The following ZNF492 variants were observed in gnomAD, a reference collection of about 807,000 sequenced individuals.
ZNF492 encodes the protein zinc finger protein 115 (Y20).
Under a neutral mutation model 6.4 loss-of-function variants are expected in ZNF492, and 3 were observed. The observed-to-expected ratio is 0.47, with a 90% CI of 0.21 to 1.22. ZNF492 has a LOEUF of 1.22. Ranked by LOEUF, ZNF492 falls within the 50% of genes most tolerant of loss-of-function variation. The pLI is 0.22. For synonymous variants in ZNF492, 112 were observed against 205.3 expected (o/e 0.55, Z 3.89); for missense variants, 356 against 612.5 (o/e 0.58, Z 4.42).
rs1435177915 is a variant in ZNF492 at position 22,653,331 on chromosome 19, G to A, written c.-69G>A. ...GGGAGTGTTGACATTTAGGGATGTG[G>A]CCATAGAATTCTCTCTGGAGGAGTG... On this transcript the variant is annotated 5_prime_UTR_variant, in exon 2 of 4. It introduces an in-frame stop codon into an upstream open reading frame of the 5' UTR. Coordinates refer to ENST00000456783, the MANE Select transcript of ZNF492 (RefSeq NM_020855.3). 9.9e-6 allele frequency: 16 copies of A among 1,613,400 alleles called. No individual in the cohort carries two copies. Among genetic ancestry groups the A allele is most frequent in the Non-Finnish European group, 1.3e-5 (15 of 1,179,830 alleles).
intron 3 of ZNF492, among the ~76,000 whole-genome samples, chr19:22,662,341 C>T (rs562681843): frequency 6.6e-6 from 1 of 152,322 alleles, no homozygotes; most frequent in African/African-American, 2.4e-5. Flanking sequence ...CATTGATGGA[C>T]ATTTGGGTTG....
At chr19:22,648,210 G>A (rs185424774) in intron 1 of ZNF492, among the ~76,000 whole-genome samples, 7 of 152,194 alleles carry the variant, frequency 4.6e-5, no homozygotes, top group Admixed American at 2.0e-4. Flanking sequence ...ATTTACCCAG[G>A]AGTCATTCAG....
At position 22,634,370 on chromosome 19, in the gene ZNF492, T is replaced by C; in HGVS notation, c.-198T>C. Reference sequence around the variant, plus strand: ...CGGAGTATGGTCTAGTGTTCGCTGTTCTGCGTCCTCTGGTCCTAGAGGCCC... The same window carrying C: ...CGGAGTATGGTCTAGTGTTCGCTGTCCTGCGTCCTCTGGTCCTAGAGGCCC... On this transcript the variant is annotated 5_prime_UTR_variant, in exon 1 of 4. Transcript: ENST00000456783. The C allele has an allele frequency of 8.4e-7, 1 of 1,189,940 alleles. No homozygotes were observed. Among genetic ancestry groups the C allele is most frequent in the South Asian group, 1.2e-5 (1 of 82,792 alleles). 73.7% of individuals were successfully genotyped at this position (1,189,940 alleles called of 1,614,324 possible). A position where few individuals can be genotyped will look rare whatever the true frequency, so the allele number is the denominator to read the frequency against.
intron 1 of ZNF492, among the ~76,000 whole-genome samples, chr19:22,647,595 C>T (rs1275951568): frequency 7.2e-6 from 1 of 139,704 alleles, no homozygotes; most frequent in Admixed American, 7.2e-5. Context: ...AAAACAGCTC[C>T]TGGATTCATT....
rs71355985 is a variant in ZNF492 at position 22,663,799 on chromosome 19, G to T, written c.131-1G>T. ...TAATTTATTATTTTTATTTCTTTCA[G>T]TTGTATGTTCTTATTTTGCCCGAGA... On this transcript the variant is annotated splice_acceptor_variant, in intron 3 of 3. Transcript: ENST00000456783. LOFTEE classifies it high-confidence loss of function. 0.029 allele frequency: 43,058 copies of T among 1,498,082 alleles called. 691 individuals carry two copies. Among genetic ancestry groups the T allele is most frequent in the East Asian group, 0.064 (2,778 of 43,254 alleles). 92.8% of individuals were successfully genotyped at this position (1,498,082 alleles called of 1,614,324 possible).
chr19:22,652,237 T>C (rs1186036109), intron 1 of ZNF492, among the ~76,000 whole-genome samples: 4 of 105,772 alleles, frequency 3.8e-5, no homozygotes, highest in Admixed American at 8.7e-5. Context: ...TTTTTTTTTT[T>C]TGAGACGGAG....
In ZNF492 at chr19:22,634,485, CG is replaced by C; in HGVS notation, c.-94+14del. 7.2e-7 allele frequency: 1 copy of C among 1,383,840 alleles called. No homozygotes were observed. The highest frequency in any genetic ancestry group is 1.0e-6 in the Non-Finnish European group (1 of 985,504). The allele number at this position is 1,383,840 out of a possible 1,614,324, so 85.7% of individuals were successfully genotyped here. On this transcript the variant is annotated intron_variant, in intron 1 of 3. Transcript: ENST00000456783. ...GGAAGCCTAGAAACGGTGAGAGTGC[CG>C]GGTCCGACATCCCGAGAGAGGGGAA... is the stretch of plus-strand genomic sequence containing the variant.
chr19:22,652,941 G>T (rs929248768), intron 1 of ZNF492, among the ~76,000 whole-genome samples: 4 of 152,100 alleles, frequency 2.6e-5, no homozygotes, highest in African/African-American at 9.7e-5. Context: ...ACATTAACAT[G>T]TGAGCAGTAT....
chr19:22,644,307 T>G (rs1290755901), intron 1 of ZNF492, among the ~76,000 whole-genome samples: 1 of 151,562 alleles, frequency 6.6e-6, no homozygotes, highest in Non-Finnish European at 1.5e-5. Flanking sequence ...TGTGCAGGTT[T>G]ATTACATAGG....
intron 1 of ZNF492, among the ~76,000 whole-genome samples, chr19:22,640,740 A>C (rs1298182674): frequency 5.3e-5 from 8 of 152,312 alleles, no homozygotes; most frequent in East Asian, 1.9e-4. Flanking sequence ...CTGTGAATCT[A>C]TCTGGTCCTA....
intron 1 of ZNF492, among the ~76,000 whole-genome samples, chr19:22,635,102 C>T (rs750578058): frequency 6.6e-6 from 1 of 151,968 alleles, no homozygotes; most frequent in Non-Finnish European, 1.5e-5. Context: ...GTAATCAGAG[C>T]TTACTTGGCA....
intron 1 of ZNF492, among the ~76,000 whole-genome samples, chr19:22,643,914 G>C (rs556244035): frequency 1.3e-5 from 2 of 152,296 alleles, no homozygotes; most frequent in South Asian, 4.1e-4. Flanking sequence ...GGACAGGGCA[G>C]TGTGGCTCAT....
Position 22,653,372 on chromosome 19 carries a change from C to T in ZNF492, c.-28C>T, listed in dbSNP as rs765892342. The T allele has an allele frequency of 3.2e-5, 52 of 1,613,644 alleles. No individual in the cohort carries two copies. Among genetic ancestry groups the T allele is most frequent in the Non-Finnish European group, 4.2e-5 (49 of 1,179,990 alleles). On this transcript the variant is annotated 5_prime_UTR_variant, in exon 2 of 4. Transcript: ENST00000456783. ...TGGAGGAGTGGCAATGCCTGGACAC[C>T]GCACAGCAGAATTTATATAGGAATG...
At position 22,647,727 on chromosome 19, in the gene ZNF492, GTTT is replaced by G. The variant is rs71180575; in HGVS notation, c.-93-5562_-93-5560del. On this transcript the variant is annotated intron_variant, in intron 1 of 3. Transcript: ENST00000456783. ...TTGCTCTTGCTTTCTAGCTCTTTTAGTTTTTTTTTTTTTTTTTTTTGAGATGGA... is the reference window on the plus strand; with the variant it reads ...TTGCTCTTGCTTTCTAGCTCTTTTAGTTTTTTTTTTTTTTTTTGAGATGGA... 2.0e-3 allele frequency among the ~76,000 whole-genome samples: 189 copies of G among 92,566 alleles called. 1 individual carries two copies. Among genetic ancestry groups the G allele is most frequent in the African/African-American group, 8.7e-3 (183 of 21,062 alleles). The allele number at this position is 92,566 out of a possible 152,430, so 60.7% of individuals were successfully genotyped here. A position where few individuals can be genotyped will look rare whatever the true frequency, so the allele number is the denominator to read the frequency against.
chr19:22,661,591 T>C (rs1366265583), intron 3 of ZNF492, among the ~76,000 whole-genome samples: 1 of 149,740 alleles, frequency 6.7e-6, no homozygotes, highest in African/African-American at 2.5e-5. Context: ...GGAGTTTATT[T>C]GTGTTTCTCT....
At chr19:22,649,359 C>A (rs140713564) in intron 1 of ZNF492, among the ~76,000 whole-genome samples, 2 of 152,110 alleles carry the variant, frequency 1.3e-5, no homozygotes, top group African/African-American at 4.8e-5. Flanking sequence ...CTACCCTTAA[C>A]ATTTTTTTGT....
At chr19:22,650,434 A>AAGTTCTGTT (rs1971928150) in intron 1 of ZNF492, among the ~76,000 whole-genome samples, 1 of 151,864 alleles carries the variant, frequency 6.6e-6, no homozygotes, top group African/African-American at 2.4e-5. Flanking sequence ...AAGCACTTTT[A>AAGTTCTGTT]TTGTCCCTTG....
intron 1 of ZNF492, among the ~76,000 whole-genome samples, chr19:22,640,435 T>C (rs1971815245): frequency 6.6e-6 from 1 of 152,214 alleles, no homozygotes; most frequent in Non-Finnish European, 1.5e-5. Flanking sequence ...GTGCTGGGAT[T>C]ACAGGCGTGA....
At chr19:22,637,436 G>T (rs1971780619) in intron 1 of ZNF492, among the ~76,000 whole-genome samples, 2 of 151,992 alleles carry the variant, frequency 1.3e-5, no homozygotes, top group South Asian at 4.1e-4. Flanking sequence ...GGGACTACAG[G>T]CACACACCAC....
Sources: allele counts gnomAD v4.1 joint callset (sites outside exome capture counted in the v4.1 genomes callset), GRCh38; gene constraint gnomAD v4.1.1; transcripts MANE v1.5; gene names NCBI Gene and HGNC (gene_info 2026-07-23, HGNC 2026-07-21).